The following AGBL4 variants were observed in gnomAD, a reference collection of about 807,000 sequenced individuals.
AGBL4 encodes cytosolic carboxypeptidase 6.
A neutral mutation model predicts 66.4 loss-of-function variants in AGBL4; 58 were observed. The observed-to-expected ratio is 0.87, with a 90% CI of 0.71 to 1.09. AGBL4 has a LOEUF of 1.09. AGBL4 is among the 50% of genes least tolerant of loss of function. The probability of loss-of-function intolerance (pLI) is 0.00; values close to 1 mark genes in which losing one functional copy is unlikely to be tolerated. For missense variants in AGBL4, 579 were observed against 631.0 expected (o/e 0.92, Z 0.88); for synonymous variants, 234 against 222.9 (o/e 1.05, Z -0.44).
In AGBL4 at chr1:49,727,115, G is replaced by A. The variant is rs372905047; in HGVS notation, c.158-29678C>T. 3.3e-5 allele frequency among the ~76,000 whole-genome samples: 5 copies of A among 152,252 alleles called. No homozygotes were observed. In the South Asian group the frequency reaches 1.0e-3, roughly 32 times the overall value. ...CACATCAATCTGTATCAACCACTGT[G>A]AGAGTAAAAGACTAGTTGAGGGTGA... On this transcript the variant is annotated intron_variant, in intron 2 of 13. Coordinates refer to ENST00000371839, the MANE Select transcript of AGBL4 (RefSeq NM_032785.4).
At chr1:48,571,154 C>T (rs1309653093) in intron 11 of AGBL4, among the ~76,000 whole-genome samples, 1 of 152,214 alleles carries the variant, frequency 6.6e-6, no homozygotes. Context: ...TACTTGTATT[C>T]AACAGATAAG....
intron 2 of AGBL4, among the ~76,000 whole-genome samples, chr1:49,737,659 T>C (rs898030608): frequency 2.0e-5 from 3 of 152,184 alleles, no homozygotes; most frequent in African/African-American, 4.8e-5. Flanking sequence ...CAAATCTGTA[T>C]GTGTACTCCT....
At chr1:50,011,731 A>T (rs1256154820) in intron 1 of AGBL4, among the ~76,000 whole-genome samples, 1 of 152,226 alleles carries the variant, frequency 6.6e-6, no homozygotes, top group Non-Finnish European at 1.5e-5. Context: ...CATTTGCAAC[A>T]ATGTGGATGG....
At chr1:49,829,551 GT>G (rs1645600935) in intron 2 of AGBL4, among the ~76,000 whole-genome samples, 1 of 152,132 alleles carries the variant, frequency 6.6e-6, no homozygotes, top group Non-Finnish European at 1.5e-5. Flanking sequence ...AAATAAAGAT[GT>G]AATGGTATAT....
intron 2 of AGBL4, among the ~76,000 whole-genome samples, chr1:49,749,122 AG>A (rs1651242610): frequency 6.6e-6 from 1 of 152,126 alleles, no homozygotes; most frequent in Non-Finnish European, 1.5e-5. Context: ...GTTTTCTTCT[AG>A]GGTTTTTATG....
At chr1:49,647,779 G>C (rs1284098939) in intron 3 of AGBL4, among the ~76,000 whole-genome samples, 2 of 150,248 alleles carry the variant, frequency 1.3e-5, no homozygotes, top group African/African-American at 4.9e-5. Context: ...GCCCACTCTA[G>C]ACCTTCTTCC....
intron 6 of AGBL4, among the ~76,000 whole-genome samples, chr1:48,800,122 T>C (rs1645776553): frequency 6.6e-6 from 1 of 152,242 alleles, no homozygotes; most frequent in South Asian, 2.1e-4. Flanking sequence ...TGAATCCATC[T>C]GGTCCTGGAC....
chr1:49,843,989 G>T (rs546939659), intron 2 of AGBL4, among the ~76,000 whole-genome samples: 4 of 152,240 alleles, frequency 2.6e-5, no homozygotes, highest in African/African-American at 9.6e-5. Flanking sequence ...GTCTTGCTAT[G>T]GGATAGAGAT....
At chr1:49,883,841 A>G (rs904983461) in intron 1 of AGBL4, among the ~76,000 whole-genome samples, 7 of 151,866 alleles carry the variant, frequency 4.6e-5, no homozygotes, top group African/African-American at 7.2e-5. Context: ...AAAGGAGAGG[A>G]AAAAAAACTA....
intron 3 of AGBL4, among the ~76,000 whole-genome samples, chr1:49,647,082 A>C (rs1039381578): frequency 6.6e-6 from 1 of 152,070 alleles, no homozygotes; most frequent in African/African-American, 2.4e-5. Context: ...AAGACTTTAG[A>C]AAACACAGAA....
At chr1:49,998,340 G>T (rs1038064587) in intron 1 of AGBL4, among the ~76,000 whole-genome samples, 1 of 152,034 alleles carries the variant, frequency 6.6e-6, no homozygotes, top group Non-Finnish European at 1.5e-5. Context: ...ACCTGGAGGA[G>T]ATGGATAAAT....
chr1:49,781,255 G>A (rs1323395401), intron 2 of AGBL4, among the ~76,000 whole-genome samples: 1 of 152,008 alleles, frequency 6.6e-6, no homozygotes. Context: ...TTAGCCAGGT[G>A]TAGTGGTGTA....
chr1:49,495,458 G>T (rs1471446786), intron 3 of AGBL4, among the ~76,000 whole-genome samples: 1 of 151,816 alleles, frequency 6.6e-6, no homozygotes, highest in Non-Finnish European at 1.5e-5. Flanking sequence ...GAATCCAAAA[G>T]ATTAGACAGC....
chr1:49,481,370 T>C lies in AGBL4; in HGVS notation c.282+215943A>G, dbSNP rs547090991. ...TCTTGTTAGCTGTATTACTAGGCAT[T>C]TTATTCTTTTTATGGCAGTTGTGAT... is the stretch of plus-strand genomic sequence containing the variant. On this transcript the variant is annotated intron_variant, in intron 3 of 13. Coordinates refer to ENST00000371839, the MANE Select transcript of AGBL4 (RefSeq NM_032785.4). Among the ~76,000 whole-genome samples the C allele has an allele frequency of 5.3e-5, 8 of 152,142 alleles. 1 individual carries two copies. The South Asian group carries it at 6.2e-4, about 12-fold the overall frequency.
chr1:49,131,781 T>G (rs1158774712), intron 4 of AGBL4, among the ~76,000 whole-genome samples: 1 of 152,122 alleles, frequency 6.6e-6, no homozygotes, highest in Non-Finnish European at 1.5e-5. Context: ...ATGTTCTAAT[T>G]TCTGCCCTAG....
intron 1 of AGBL4, among the ~76,000 whole-genome samples, chr1:49,973,567 A>T (rs1380341689): frequency 1.3e-5 from 2 of 148,898 alleles, no homozygotes; most frequent in Non-Finnish European, 3.0e-5. Context: ...TTACATATAT[A>T]ATTATATATT....
At chr1:49,720,070 T>C (rs1342246009) in intron 2 of AGBL4, among the ~76,000 whole-genome samples, 1 of 152,078 alleles carries the variant, frequency 6.6e-6, no homozygotes. Context: ...ATGAATATCC[T>C]AAAAAATATA....
At chr1:48,886,927 G>C (rs1410459451) in intron 5 of AGBL4, among the ~76,000 whole-genome samples, 1 of 152,190 alleles carries the variant, frequency 6.6e-6, no homozygotes, top group Non-Finnish European at 1.5e-5. Context: ...GACATTCAGA[G>C]AGGTTTCAGG....
chr1:49,209,983 CAAT>C (rs1648542396), intron 4 of AGBL4, among the ~76,000 whole-genome samples: 1 of 152,026 alleles, frequency 6.6e-6, no homozygotes, highest in Non-Finnish European at 1.5e-5. Context: ...AGAATATACT[CAAT>C]AAATAGCTAT....
Sources: gnomAD v4.1 joint callset for allele counts (sites outside exome capture counted in the v4.1 genomes callset) on GRCh38, gnomAD v4.1.1 for gene constraint, MANE v1.5 for transcripts, NCBI Gene and HGNC (gene_info 2026-07-23, HGNC 2026-07-21) for gene names.